Variants in LMOD1 observed in about 807,000 individuals in gnomAD.
The protein encoded by LMOD1 is leiomodin 1.
LMOD1 carries 8 observed loss-of-function variants against 36.5 expected under a neutral mutation model. The ratio of observed to expected loss-of-function variants is 0.22; its 90% CI spans 0.13 to 0.40. The LOEUF is 0.40. Among genes scored for constraint, LMOD1 ranks in the 10% least tolerant of loss-of-function variants. The pLI is 1.00. For synonymous variants in LMOD1, 284 were observed against 288.7 expected (o/e 0.98, Z 0.17); for missense variants, 630 against 751.1 (o/e 0.84, Z 1.88).
intron 1 of LMOD1, among the ~76,000 whole-genome samples, chr1:201,945,619 G>A (rs572559021): frequency 1.2e-3 from 187 of 152,114 alleles, no homozygotes; most frequent in Non-Finnish European, 2.4e-3. Flanking sequence ...TGCCCATAGG[G>A]TTGGGGACTT....
At chr1:201,901,412 G>C (rs987733191) in intron 1 of LMOD1, among the ~76,000 whole-genome samples, 2 of 149,148 alleles carry the variant, frequency 1.3e-5, no homozygotes, top group Non-Finnish European at 3.0e-5. Flanking sequence ...AGAGGCAGGA[G>C]AATCACCTGA....
At chr1:201,931,332 C>T (rs1002102980) in intron 1 of LMOD1, among the ~76,000 whole-genome samples, 2 of 152,102 alleles carry the variant, frequency 1.3e-5, no homozygotes, top group Non-Finnish European at 2.9e-5. Flanking sequence ...GGCAAGAGTT[C>T]GAGACCGGCC....
At position 201,921,415 on chromosome 1, in the gene LMOD1, G is replaced by T. The variant is rs780508814; in HGVS notation, c.262-20664C>A. 6.3e-4 allele frequency among the ~76,000 whole-genome samples: 91 copies of T among 145,554 alleles called. 1 individual carries two copies. The Middle Eastern group carries it at 0.025, about 41-fold the overall frequency. Reference sequence around the variant, plus strand: ...AGGTTGGAGAACTGCTTGACCCCAGGAGGTGGAGGTTGCAGTGAGCTGAGA... The same window carrying T: ...AGGTTGGAGAACTGCTTGACCCCAGTAGGTGGAGGTTGCAGTGAGCTGAGA... On this transcript the variant is annotated intron_variant, in intron 1 of 2. Transcript: ENST00000367288.
rs1428753235 is a variant in LMOD1, at chr1:201,900,556, TCTC to T, written c.454_456del (p.Glu152del). The T allele has an allele frequency of 3.1e-6, 5 of 1,613,710 alleles. No individual in the cohort carries two copies. The African/African-American group carries it at 6.7e-5, about 22-fold the overall frequency. On this transcript the variant is annotated inframe_deletion, in exon 2 of 3. Transcript: ENST00000367288. ...CCCTTGTCAATGCCCCGGATGATCT[TCTC>T]CTCCTTGGGCTTCTCGCCACTCTTG...
rs565086358 is a variant in LMOD1, at chr1:201,897,064, G to A, written c.*1308C>T. 2.6e-4 allele frequency: 74 copies of A among 280,850 alleles called. No homozygotes were observed. The highest frequency in any genetic ancestry group is 4.5e-4 in the Non-Finnish European group (63 of 140,206). 17.4% of individuals were successfully genotyped at this position (280,850 alleles called of 1,614,324 possible). A position where few individuals can be genotyped will look rare whatever the true frequency, so the allele number is the denominator to read the frequency against. On this transcript the variant is annotated 3_prime_UTR_variant, in exon 3 of 3. Coordinates refer to ENST00000367288, the MANE Select transcript of LMOD1 (RefSeq NM_012134.3). Reference sequence around the variant, plus strand: ...AGAAAGATGCCTTTCACCTACACCCGATGGTGGGCATGGCAGCATTGTCAG... The same window carrying A: ...AGAAAGATGCCTTTCACCTACACCCAATGGTGGGCATGGCAGCATTGTCAG...
At chr1:201,914,084 T>C (rs896321370) in intron 1 of LMOD1, among the ~76,000 whole-genome samples, 3 of 152,138 alleles carry the variant, frequency 2.0e-5, no homozygotes, top group Admixed American at 6.6e-5. Context: ...CCTTGACTGC[T>C]TCACCTCTTG....
chr1:201,918,969 T>C (rs1046776960), intron 1 of LMOD1, among the ~76,000 whole-genome samples: 3 of 151,534 alleles, frequency 2.0e-5, no homozygotes, highest in African/African-American at 7.3e-5. Context: ...CATAGCTCAC[T>C]ATAACCTCAA....
At chr1:201,901,562 A>ATG (rs1218735927) in intron 1 of LMOD1, among the ~76,000 whole-genome samples, 2 of 26,578 alleles carry the variant, frequency 7.5e-5, no homozygotes, top group African/African-American at 2.1e-4. Context: ...ACATATATAT[A>ATG]TGTATATATA....
chr1:201,922,047 A>G (rs1681715122), intron 1 of LMOD1, among the ~76,000 whole-genome samples: 1 of 152,230 alleles, frequency 6.6e-6, no homozygotes, highest in African/African-American at 2.4e-5. Context: ...GATGAGATAT[A>G]CTTCACACCT....
chr1:201,940,633 T>G (rs1571594207), intron 1 of LMOD1, among the ~76,000 whole-genome samples: 1 of 102,294 alleles, frequency 9.8e-6, no homozygotes, highest in African/African-American at 3.4e-5. Context: ...TCAGCCAGGC[T>G]GGAGAGCAGT....
At chr1:201,944,920 T>C (rs1429918883) in intron 1 of LMOD1, among the ~76,000 whole-genome samples, 1 of 152,216 alleles carries the variant, frequency 6.6e-6, no homozygotes, top group Non-Finnish European at 1.5e-5. Context: ...TGGATGATAA[T>C]GTTCCCATTC....
chr1:201,923,929 GAGAA>G (rs1447729806), intron 1 of LMOD1, among the ~76,000 whole-genome samples: 3 of 145,224 alleles, frequency 2.1e-5, no homozygotes, highest in Non-Finnish European at 4.5e-5. Context: ...GAGAGAGAGA[GAGAA>G]AGAAAGAAAA....
In LMOD1 at chr1:201,899,436, T is replaced by C; in HGVS notation, c.1577A>G (p.Lys526Arg). ...SPKPSPKNSP[K>R]KGGAPAAPPP... The stretch of plus-strand genomic sequence containing the variant: ...TGGGGCAGCTGGAGCACCCCCTTTT[T>C]TGGGTGAGTTCTTTGGAGAGGGCTT... The change falls in exon 2 of 3, where the codon AAA (lysine) becomes AGA (arginine). Residue 526 changes from lysine to arginine, a missense_variant. Transcript: ENST00000367288. This position sits in a 1 kb window ranked among gnomAD's most constrained non-coding sequence, Gnocchi z 6.3. 6.2e-7 allele frequency: 1 copy of C among 1,613,764 alleles called. No homozygotes were observed. The highest frequency in any genetic ancestry group is 2.2e-5 in the East Asian group (1 of 44,856).
intron 2 of LMOD1, among the ~76,000 whole-genome samples, chr1:201,898,809 C>T (rs759002742): frequency 6.6e-6 from 1 of 152,110 alleles, no homozygotes; most frequent in Admixed American, 6.5e-5. Flanking sequence ...AGAGACCTTT[C>T]GGATGGACTG....
intron 1 of LMOD1, among the ~76,000 whole-genome samples, chr1:201,901,620 ATG>A (rs1217093444): frequency 0.59 from 28,016 of 47,470 alleles, 7,932 homozygotes; most frequent in East Asian, 0.81. Flanking sequence ...ACACATATAT[ATG>A]TGTGTGTGTA....
At chr1:201,907,404 T>G (rs147304069) in intron 1 of LMOD1, among the ~76,000 whole-genome samples, 2 of 152,352 alleles carry the variant, frequency 1.3e-5, no homozygotes, top group South Asian at 2.1e-4. Context: ...TTCTGAGAAG[T>G]GATTAAGCCT....
chr1:201,915,160 C>G (rs2819347), intron 1 of LMOD1, among the ~76,000 whole-genome samples: 43,387 of 152,104 alleles, frequency 0.29, 6,530 homozygotes, highest in Non-Finnish European at 0.34. Flanking sequence ...AACGCTTCCC[C>G]ATCGGTTTCC....
rs375528463 is a variant in LMOD1 at position 201,899,780 on chromosome 1, G to A, written c.1233C>T (p.Leu411=). 2 of 1,613,944 alleles carry A rather than the reference G, an allele frequency of 1.2e-6. No homozygotes were observed. Among genetic ancestry groups the A allele is most frequent in the Non-Finnish European group, 1.7e-6 (2 of 1,179,906 alleles). The part of the protein sequence containing the change: ...GKGILAIFRA[L]LQNNTLTELR... Reference sequence around the variant, plus strand: ...GCTCGGTCAGCGTGTTGTTCTGGAGGAGGGCCCGGAAGATGGCCAGGATGC... The same window carrying A: ...GCTCGGTCAGCGTGTTGTTCTGGAGAAGGGCCCGGAAGATGGCCAGGATGC... Residue 411 remains leucine, a synonymous_variant, in exon 2 of 3, where the codon CTC becomes CTT. Transcript: ENST00000367288. The surrounding 1 kb of genome is among the most constrained non-coding windows in gnomAD (Gnocchi z 6.3).
chr1:201,933,554 A>G (rs918289323), intron 1 of LMOD1, among the ~76,000 whole-genome samples: 1 of 143,920 alleles, frequency 6.9e-6, no homozygotes, highest in Non-Finnish European at 1.5e-5. Context: ...ACATATATAT[A>G]TAATACATAT....
Sources: gnomAD v4.1 joint callset for allele counts (sites outside exome capture counted in the v4.1 genomes callset) on GRCh38, gnomAD v4.1.1 for gene constraint, Gnocchi (gnomAD v3.1) non-coding constraint, MANE v1.5 for transcripts, NCBI Gene and HGNC (gene_info 2026-07-23, HGNC 2026-07-21) for gene names.